WWOX: variants seen among roughly 807,000 people sequenced by gnomAD.
WWOX encodes the protein WW domain-containing oxidoreductase.
In WWOX, 69 loss-of-function variants were observed where a neutral mutation model predicts 46.2. The ratio of observed to expected loss-of-function variants is 1.49; its 90% CI spans 1.23 to 1.82. The LOEUF (loss-of-function observed/expected upper bound fraction) is 1.82, where lower values mean the gene tolerates loss of function less well. Ranked by LOEUF, WWOX falls within the 40% of genes most tolerant of loss-of-function variation. The probability of loss-of-function intolerance (pLI) is 0.00; values close to 1 mark genes in which losing one functional copy is unlikely to be tolerated. For missense variants in WWOX, 919 were observed against 542.6 expected (o/e 1.69, Z -6.89); for synonymous variants, 359 against 202.6 (o/e 1.77, Z -6.56).
chr16:78,793,000 C>A (rs183840063), intron 8 of WWOX, among the ~76,000 whole-genome samples: 1 of 152,150 alleles, frequency 6.6e-6, no homozygotes, highest in African/African-American at 2.4e-5. Context: ...ACCATTAAGT[C>A]CCTTAAGATG....
intron 8 of WWOX, among the ~76,000 whole-genome samples, chr16:78,805,384 C>T (rs1028015691): frequency 3.9e-4 from 60 of 152,128 alleles, no homozygotes; most frequent in African/African-American, 1.2e-3. Flanking sequence ...TCTCAGCCTC[C>T]GGAGTAGCTG....
intron 8 of WWOX, among the ~76,000 whole-genome samples, chr16:79,021,561 C>G (rs1184916709): frequency 6.6e-6 from 1 of 152,106 alleles, no homozygotes; most frequent in Non-Finnish European, 1.5e-5. Flanking sequence ...CCATTAACTA[C>G]TAATTATCAA....
intron 8 of WWOX, among the ~76,000 whole-genome samples, chr16:78,915,894 C>T (rs900967814): frequency 1.3e-5 from 2 of 152,124 alleles, no homozygotes; most frequent in African/African-American, 2.4e-5. Context: ...TAGAAGAAGC[C>T]TGAATTTTAA....
At chr16:78,494,374 T>C (rs1408245409) in intron 8 of WWOX, among the ~76,000 whole-genome samples, 3 of 152,156 alleles carry the variant, frequency 2.0e-5, no homozygotes, top group East Asian at 1.9e-4. Context: ...CAAACCACAC[T>C]GGAAGGTAAA....
At chr16:78,940,959 A>T (rs1464796897) in intron 8 of WWOX, among the ~76,000 whole-genome samples, 1 of 145,184 alleles carries the variant, frequency 6.9e-6, no homozygotes, top group Non-Finnish European at 1.5e-5. Context: ...ACCCCATCCC[A>T]CTCATATTTC....
chr16:78,667,670 C>CAAA (rs35375082), intron 8 of WWOX, among the ~76,000 whole-genome samples: 22 of 61,252 alleles, frequency 3.6e-4, no homozygotes, highest in South Asian at 6.9e-4. Flanking sequence ...GACTCCGTCT[C>CAAA]AAAAAAAAAA....
At chr16:78,924,526 T>C (rs975303347) in intron 8 of WWOX, among the ~76,000 whole-genome samples, 10 of 152,212 alleles carry the variant, frequency 6.6e-5, no homozygotes, top group Admixed American at 6.5e-4. Context: ...CTCAAGATTC[T>C]CTTCAGCCCA....
intron 5 of WWOX, among the ~76,000 whole-genome samples, chr16:78,295,866 C>T (rs1387812076): frequency 6.6e-6 from 1 of 152,240 alleles, no homozygotes; most frequent in Non-Finnish European, 1.5e-5. Flanking sequence ...GCCCAAAGAT[C>T]TGCATTTCTA....
At chr16:78,939,579 A>T (rs760031860) in intron 8 of WWOX, among the ~76,000 whole-genome samples, 1 of 152,232 alleles carries the variant, frequency 6.6e-6, no homozygotes, top group South Asian at 2.1e-4. Context: ...ATTTTTGTAT[A>T]TGGCTACTGA....
At chr16:79,123,631 C>A (rs147373713) in intron 8 of WWOX, among the ~76,000 whole-genome samples, 3 of 152,070 alleles carry the variant, frequency 2.0e-5, no homozygotes, top group Non-Finnish European at 4.4e-5. Flanking sequence ...TAGTTTGACC[C>A]CAAGGCTCCA....
At chr16:78,205,883 C>G (rs1466726604) in intron 5 of WWOX, among the ~76,000 whole-genome samples, 1 of 151,488 alleles carries the variant, frequency 6.6e-6, no homozygotes, top group Non-Finnish European at 1.5e-5. Context: ...CTCCCTTCCT[C>G]CCATCCTCCC....
At chr16:78,156,226 G>C (rs193056504) in intron 4 of WWOX, among the ~76,000 whole-genome samples, 1 of 152,010 alleles carries the variant, frequency 6.6e-6, no homozygotes, top group Non-Finnish European at 1.5e-5. Context: ...TGTCTTGTCA[G>C]ATGTGCCCTT....
chr16:78,490,260 ACG>A (rs72262354), intron 8 of WWOX, among the ~76,000 whole-genome samples: 20,234 of 151,934 alleles, frequency 0.13, 1,845 homozygotes, highest in African/African-American at 0.26. Context: ...CCAAGCACCA[ACG>A]GAAGCCTTTT....
At chr16:78,238,079 A>C (rs2037502195) in intron 5 of WWOX, 1 of 152,226 alleles carries the variant, frequency 6.6e-6, no homozygotes, top group Non-Finnish European at 1.5e-5. Flanking sequence ...ACTCACTTCC[A>C]CACCTTACCT....
At chr16:78,961,154 A>G (rs913943648) in intron 8 of WWOX, among the ~76,000 whole-genome samples, 3 of 152,218 alleles carry the variant, frequency 2.0e-5, no homozygotes, top group African/African-American at 7.2e-5. Context: ...GTTCCAGATC[A>G]TAGTCTCCTA....
chr16:78,189,679 G>A (rs1597330312), intron 5 of WWOX, among the ~76,000 whole-genome samples: 1 of 151,942 alleles, frequency 6.6e-6, no homozygotes, highest in African/African-American at 2.4e-5. Context: ...TTTTGAGTTG[G>A]AGTCTTGCTG....
intron 8 of WWOX, among the ~76,000 whole-genome samples, chr16:78,999,654 T>C (rs2047056446): frequency 6.6e-6 from 1 of 152,200 alleles, no homozygotes; most frequent in Non-Finnish European, 1.5e-5. Context: ...GTATTTATTG[T>C]ATGCACCAGA....
At chr16:78,430,041 G>A (rs1054179538) in intron 7 of WWOX, among the ~76,000 whole-genome samples, 5 of 152,158 alleles carry the variant, frequency 3.3e-5, no homozygotes, top group East Asian at 1.9e-4. Context: ...CCGAGACCGG[G>A]TAATTTATAA....
chr16:78,221,823 C>G (rs888478840), intron 5 of WWOX, among the ~76,000 whole-genome samples: 46 of 152,216 alleles, frequency 3.0e-4, no homozygotes, highest in Non-Finnish European at 5.3e-4. Context: ...ATTTTATACA[C>G]TCATGCATAC....
Sources: gnomAD v4.1 joint callset for allele counts (sites outside exome capture counted in the v4.1 genomes callset) on GRCh38, gnomAD v4.1.1 for gene constraint, MANE v1.5 for transcripts, NCBI Gene and HGNC (gene_info 2026-07-23, HGNC 2026-07-21) for gene names.